Variants in BAZ2B observed in about 807,000 individuals in gnomAD.
BAZ2B encodes bromodomain adjacent to zinc finger domain 2B, also known as bromodomain adjacent to zinc finger domain protein 2B.
Under a neutral mutation model 246.0 loss-of-function variants are expected in BAZ2B, and 91 were observed. The ratio of observed to expected loss-of-function variants is 0.37; its 90% CI spans 0.31 to 0.44. The LOEUF is 0.44. Ranked by LOEUF, BAZ2B falls within the 20% of genes least tolerant of loss-of-function variation. BAZ2B has a pLI of 1.00. For synonymous variants in BAZ2B, 855 were observed against 860.0 expected (o/e 0.99, Z 0.10); for missense variants, 2,332 against 2,533.7 (o/e 0.92, Z 1.71).
chr2:159,342,847 T>A (rs2149047064), intron 31 of BAZ2B, among the ~76,000 whole-genome samples: 1 of 152,258 alleles, frequency 6.6e-6, no homozygotes, highest in South Asian at 2.1e-4. Context: ...TACTACCCAA[T>A]GCGATCTACA....
intron 3 of BAZ2B, chr2:159,459,972 G>A (rs1365906722): frequency 1.3e-5 from 2 of 151,886 alleles, no homozygotes; most frequent in Non-Finnish European, 2.9e-5. Context: ...TTCAAACATA[G>A]TTTCAATATT....
intron 27 of BAZ2B, among the ~76,000 whole-genome samples, chr2:159,359,045 G>GAACTGA (rs1341865515): frequency 6.6e-6 from 1 of 152,112 alleles, no homozygotes; most frequent in African/African-American, 2.4e-5. Context: ...ACAATTAAAA[G>GAACTGA]AACTGAGAGG....
At chr2:159,697,444 C>T in the BAZ2B span, among the ~76,000 whole-genome samples, 14 of 152,022 alleles carry the variant, frequency 9.2e-5, no homozygotes, top group Non-Finnish European at 1.9e-4. Context: ...TAGAAAAAAA[C>T]ACTGTTCACT....
chr2:159,323,454 C>G (rs2148757502), intron 36 of BAZ2B, among the ~76,000 whole-genome samples: 1 of 152,042 alleles, frequency 6.6e-6, no homozygotes, highest in East Asian at 1.9e-4. Flanking sequence ...TTTTTCTTGG[C>G]CATGTTAGTT....
chr2:159,401,156 T>C (rs73967863), intron 16 of BAZ2B, among the ~76,000 whole-genome samples: 3,162 of 152,362 alleles, frequency 0.021, 109 homozygotes, highest in African/African-American at 0.068. Context: ...TGATAAGGTT[T>C]CTCACAGTAA....
At position 159,349,730 on chromosome 2, in the gene BAZ2B, G is replaced by T; in HGVS notation, c.4841C>A (p.Pro1614Gln). ...AACCTGAAGAGGTGATAAAGCAAAT[G>T]GATTTAAGCCAACAGGATTCTGAGC... ...SSAQNPVGLN[P>Q]FALSPLQVKG... Residue 1614 changes from proline (P) to glutamine (Q), a missense_variant, in exon 28 of 37, where the codon CCA becomes CAA. Physicochemically the swap from Pro to Gln is moderately conservative, Grantham distance 76. This residue lies in a region of BAZ2B where 676 missense variants were observed against 668.6 expected (regional missense o/e 1.01). Transcript: ENST00000392783. 1 of 1,613,636 alleles carries T rather than the reference G, an allele frequency of 6.2e-7. No homozygotes were observed. Among genetic ancestry groups the T allele is most frequent in the Non-Finnish European group, 8.5e-7 (1 of 1,179,772 alleles).
chr2:159,416,988 A>C (rs1442751235), intron 13 of BAZ2B, among the ~76,000 whole-genome samples: 2 of 152,206 alleles, frequency 1.3e-5, no homozygotes, highest in African/African-American at 4.8e-5. Flanking sequence ...TTTGATTCAC[A>C]TGCCATTGGC....
intron 2 of BAZ2B, among the ~76,000 whole-genome samples, chr2:159,506,685 T>C (rs545139319): frequency 6.6e-6 from 1 of 152,308 alleles, no homozygotes; most frequent in East Asian, 1.9e-4. Context: ...GAAACTGTGT[T>C]ATCTATAAGA....
chr2:159,362,347 G>A (rs1367173955), intron 27 of BAZ2B, among the ~76,000 whole-genome samples: 1 of 151,974 alleles, frequency 6.6e-6, no homozygotes, highest in Non-Finnish European at 1.5e-5. Context: ...AAACCCAAAG[G>A]TCCCTTGATA....
chr2:159,398,770 G>C lies in BAZ2B; in HGVS notation c.2964+59C>G. ...CTATTTTTTCATATAACTGATGCCAGTATAACATATAGTTTTTATTTTTCA... is the reference window on the plus strand; with the variant it reads ...CTATTTTTTCATATAACTGATGCCACTATAACATATAGTTTTTATTTTTCA... On this transcript the variant is annotated intron_variant, in intron 18 of 36. Coordinates refer to ENST00000392783, the MANE Select transcript of BAZ2B (RefSeq NM_013450.4). 3 of 1,472,164 alleles carry C rather than the reference G, an allele frequency of 2.0e-6. No homozygotes were observed. The South Asian group carries it at 3.6e-5, about 18-fold the overall frequency. The allele number at this position is 1,472,164 out of a possible 1,614,324, so 91.2% of individuals were successfully genotyped here. A position where few individuals can be genotyped will look rare whatever the true frequency, so the allele number is the denominator to read the frequency against.
At chr2:159,695,794 G>A in the BAZ2B span, among the ~76,000 whole-genome samples, 5 of 151,162 alleles carry the variant, frequency 3.3e-5, no homozygotes, top group Non-Finnish European at 5.9e-5. Context: ...TCACTCTGTC[G>A]CCCAGGCTGG....
At position 159,491,842 on chromosome 2, in the gene BAZ2B, G is replaced by C. The variant is rs2080539881; in HGVS notation, c.-2-13121C>G. Among the ~76,000 whole-genome samples the C allele has an allele frequency of 2.0e-5, 3 of 147,274 alleles. No homozygotes were observed. In the Admixed American group the frequency reaches 2.0e-4, roughly 10 times the overall value. On this transcript the variant is annotated intron_variant, in intron 2 of 36. Coordinates refer to ENST00000392783, the MANE Select transcript of BAZ2B (RefSeq NM_013450.4). ...TTAAAACTTCCCATAGGCTATAATAGAAGTCAAAATTCTCCTATTAATAAT... is the reference window on the plus strand; with the variant it reads ...TTAAAACTTCCCATAGGCTATAATACAAGTCAAAATTCTCCTATTAATAAT...
chr2:159,588,314 A>G (rs1688532220), intron 1 of BAZ2B, among the ~76,000 whole-genome samples: 2 of 151,972 alleles, frequency 1.3e-5, no homozygotes, highest in South Asian at 2.1e-4. Flanking sequence ...ATTTTCATCT[A>G]CAATATAAGA....
chr2:159,546,261 G>A (rs2087332172), intron 2 of BAZ2B, among the ~76,000 whole-genome samples: 2 of 151,864 alleles, frequency 1.3e-5, no homozygotes, highest in Non-Finnish European at 2.9e-5. Context: ...TTCGTGCGAT[G>A]TTCTTGTGAT....
intron 2 of BAZ2B, among the ~76,000 whole-genome samples, chr2:159,554,287 T>A (rs922827677): frequency 6.6e-6 from 1 of 152,146 alleles, no homozygotes; most frequent in Non-Finnish European, 1.5e-5. Context: ...TTTTAAATTT[T>A]AAAAAAGGTT....
chr2:159,643,780 G>T, the BAZ2B span, among the ~76,000 whole-genome samples: 3 of 149,380 alleles, frequency 2.0e-5, no homozygotes, highest in South Asian at 2.1e-4. Flanking sequence ...GGAGGCTGAA[G>T]CAGGAGAATC....
intron 1 of BAZ2B, among the ~76,000 whole-genome samples, chr2:159,590,732 T>C (rs913453395): frequency 2.0e-5 from 3 of 152,176 alleles, no homozygotes; most frequent in Admixed American, 6.5e-5. Context: ...TAGTCCCTAA[T>C]TGCAAAGATG....
chr2:159,614,298 A>G (rs1299463727), intron 1 of BAZ2B, among the ~76,000 whole-genome samples: 3 of 75,574 alleles, frequency 4.0e-5, no homozygotes, highest in African/African-American at 8.6e-5. Flanking sequence ...TGGCTGACAA[A>G]GAGTTTATAG....
the BAZ2B span, among the ~76,000 whole-genome samples, chr2:159,676,021 G>GAGT: frequency 1.3e-5 from 2 of 152,062 alleles, no homozygotes; most frequent in African/African-American, 4.8e-5. Flanking sequence ...TCAGTCTCCC[G>GAGT]AGTAGCTGGG....
Sources: gnomAD v4.1 joint callset for allele counts (sites outside exome capture counted in the v4.1 genomes callset) on GRCh38, gnomAD v4.1.1 for gene constraint, gnomAD v4.1.1 regional missense constraint, MANE v1.5 for transcripts, NCBI Gene and HGNC (gene_info 2026-07-23, HGNC 2026-07-21) for gene names.